KHDRBS2: variants seen among roughly 807,000 people sequenced by gnomAD.
The protein encoded by KHDRBS2 is KH RNA binding domain containing, signal transduction associated 2.
In KHDRBS2, 26 loss-of-function variants were observed where a neutral mutation model predicts 44.3. That is an observed-to-expected ratio of 0.59 (90% CI 0.43 to 0.81). The LOEUF is 0.81. Among genes scored for constraint, KHDRBS2 ranks in the 40% least tolerant of loss-of-function variants. The pLI is 0.00. For synonymous variants in KHDRBS2, 194 were observed against 151.1 expected, an observed-to-expected ratio of 1.28 and a Z score of -2.08; for missense variants, 476 against 433.1, an observed-to-expected ratio of 1.10 and a Z score of -0.88.
chr6:62,077,036 A>G (rs1266257045), intron 2 of KHDRBS2, among the ~76,000 whole-genome samples: 1 of 151,996 alleles, frequency 6.6e-6, no homozygotes, highest in Non-Finnish European at 1.5e-5. Context: ...ACACAGCAAG[A>G]TCCTACATCT....
chr6:61,613,080 C>T, the KHDRBS2 span, among the ~76,000 whole-genome samples: 3 of 152,084 alleles, frequency 2.0e-5, no homozygotes, highest in African/African-American at 7.2e-5. Context: ...TCTCCATCTC[C>T]TGACCTTGTG....
chr6:61,613,558 A>C, the KHDRBS2 span, among the ~76,000 whole-genome samples: 1 of 151,992 alleles, frequency 6.6e-6, no homozygotes, highest in East Asian at 1.9e-4. Flanking sequence ...CTGCATCCAC[A>C]TTTCTTTTTT....
At chr6:61,830,702 T>A (rs1252901482) in intron 6 of KHDRBS2, among the ~76,000 whole-genome samples, 1 of 152,196 alleles carries the variant, frequency 6.6e-6, no homozygotes, top group East Asian at 1.9e-4. Context: ...TAATGTCATG[T>A]CCTGGGTACA....
intron 7 of KHDRBS2, among the ~76,000 whole-genome samples, chr6:61,728,766 A>C (rs1773980594): frequency 6.6e-6 from 1 of 152,038 alleles, no homozygotes; most frequent in African/African-American, 2.4e-5. Flanking sequence ...ATAAATAGAT[A>C]CTCCAAAAAT....
chr6:62,200,533 A>T (rs1563052645), intron 1 of KHDRBS2, among the ~76,000 whole-genome samples: 1 of 152,242 alleles, frequency 6.6e-6, no homozygotes. Flanking sequence ...AACCACAATG[A>T]GATACCATCT....
intron 2 of KHDRBS2, among the ~76,000 whole-genome samples, chr6:62,072,690 T>A (rs573009474): frequency 7.2e-5 from 11 of 152,116 alleles, no homozygotes; most frequent in African/African-American, 2.2e-4. Context: ...AGGGATGAAG[T>A]CCACTTGATC....
At chr6:61,837,449 G>A (rs1792871573) in intron 6 of KHDRBS2, among the ~76,000 whole-genome samples, 1 of 151,906 alleles carries the variant, frequency 6.6e-6, no homozygotes, top group Admixed American at 6.6e-5. Context: ...CAAATTGAAG[G>A]TAAGAAGAGA....
chr6:61,893,743 C>A (rs1434072082), intron 6 of KHDRBS2, among the ~76,000 whole-genome samples: 1 of 151,986 alleles, frequency 6.6e-6, no homozygotes, highest in Non-Finnish European at 1.5e-5. Flanking sequence ...ACACTGGGGC[C>A]TGTTGTGGGG....
At chr6:61,957,243 T>C (rs1177551996) in intron 4 of KHDRBS2, among the ~76,000 whole-genome samples, 1 of 152,114 alleles carries the variant, frequency 6.6e-6, no homozygotes, top group African/African-American at 2.4e-5. Flanking sequence ...GATGGTTGCG[T>C]TAACTGCACA....
chr6:61,797,725 TTG>T (rs56038952), intron 6 of KHDRBS2, among the ~76,000 whole-genome samples: 16,238 of 114,608 alleles, frequency 0.14, 1,211 homozygotes, highest in African/African-American at 0.23. Context: ...GTATGGTGTT[TTG>T]TGTGTGTGTG....
the KHDRBS2 span, among the ~76,000 whole-genome samples, chr6:61,599,438 T>C: frequency 3.3e-5 from 5 of 151,204 alleles, no homozygotes; most frequent in African/African-American, 7.3e-5. Context: ...AGTGGATTTT[T>C]AAAAGTGGGT....
chr6:62,000,103 A>C (rs571723600), intron 3 of KHDRBS2, among the ~76,000 whole-genome samples: 181 of 152,216 alleles, frequency 1.2e-3, no homozygotes, highest in African/African-American at 4.0e-3. Context: ...GCCCTCATAC[A>C]GACTACCACA....
At chr6:61,964,921 A>G (rs1330252338) in intron 4 of KHDRBS2, among the ~76,000 whole-genome samples, 1 of 152,112 alleles carries the variant, frequency 6.6e-6, no homozygotes, top group African/African-American at 2.4e-5. Flanking sequence ...CACATGGGTA[A>G]ACATCTGTAT....
chr6:61,881,511 G>A (rs1800207248), intron 6 of KHDRBS2, among the ~76,000 whole-genome samples: 1 of 151,884 alleles, frequency 6.6e-6, no homozygotes, highest in Admixed American at 6.6e-5. Context: ...GAAAGACCAA[G>A]GAAGAGACAG....
intron 2 of KHDRBS2, among the ~76,000 whole-genome samples, chr6:62,142,092 T>C (rs1181853738): frequency 2.6e-5 from 4 of 152,028 alleles, no homozygotes; most frequent in Non-Finnish European, 5.9e-5. Context: ...TTCTTCTGAA[T>C]ATACTGAATT....
chr6:61,609,437 AT>A, the KHDRBS2 span, among the ~76,000 whole-genome samples: 2 of 152,192 alleles, frequency 1.3e-5, no homozygotes, highest in African/African-American at 4.8e-5. Context: ...TCTATTTACC[AT>A]TTTTATGTAG....
chr6:61,854,690 A>G (rs1476971394), intron 6 of KHDRBS2, among the ~76,000 whole-genome samples: 1 of 152,162 alleles, frequency 6.6e-6, no homozygotes, highest in African/African-American at 2.4e-5. Context: ...TGAAACACCA[A>G]AGTTATTTAC....
At chr6:62,227,084 C>A (rs1832001590) in intron 1 of KHDRBS2, among the ~76,000 whole-genome samples, 1 of 152,056 alleles carries the variant, frequency 6.6e-6, no homozygotes, top group Non-Finnish European at 1.5e-5. Flanking sequence ...TTGATGGGAA[C>A]AGCACTGAAT....
the KHDRBS2 span, among the ~76,000 whole-genome samples, chr6:61,608,623 G>A: frequency 6.9e-6 from 1 of 144,068 alleles, no homozygotes; most frequent in East Asian, 2.2e-4. Context: ...AGTGTGTGAT[G>A]TTCCCCTCTC....
Sources: gnomAD v4.1 joint callset for allele counts (sites outside exome capture counted in the v4.1 genomes callset) on GRCh38, gnomAD v4.1.1 for gene constraint, MANE v1.5 for transcripts, NCBI Gene and HGNC (gene_info 2026-07-23, HGNC 2026-07-21) for gene names.